The following KIRREL3 variants were observed in gnomAD, a reference collection of about 807,000 sequenced individuals.
KIRREL3 encodes kin of IRRE-like protein 3.
A neutral mutation model predicts 89.7 loss-of-function variants in KIRREL3; 36 were observed. That is an observed-to-expected ratio of 0.40 (90% CI 0.31 to 0.53). KIRREL3 has a LOEUF of 0.53. Ranked by LOEUF, KIRREL3 falls within the 20% of genes least tolerant of loss-of-function variation. KIRREL3 has a pLI of 0.49. For synonymous variants in KIRREL3, 445 were observed against 441.4 expected, an observed-to-expected ratio of 1.01 and a Z score of -0.10; for missense variants, 864 against 1,056.6, an observed-to-expected ratio of 0.82 and a Z score of 2.53.
chr11:126,431,628 G>A lies in KIRREL3; in HGVS notation c.1589-102C>T. 1 of 1,178,346 alleles carries A rather than the reference G, an allele frequency of 8.5e-7. No individual in the cohort carries two copies. The allele number at this position is 1,178,346 out of a possible 1,614,324, so 73.0% of individuals were successfully genotyped here. The stretch of plus-strand genomic sequence containing the variant: ...TGCGGGGGCAGCCCCTGCCACATGG[G>A]GCCCTCCTGGGAAATGCCTCAGTGG... On this transcript the variant is annotated intron_variant, in intron 13 of 16. Coordinates refer to ENST00000525144, the MANE Select transcript of KIRREL3 (RefSeq NM_032531.4). The surrounding 1 kb of genome is among the most constrained non-coding windows in gnomAD (Gnocchi z 7.1).
intron 1 of KIRREL3, among the ~76,000 whole-genome samples, chr11:126,699,226 T>C (rs1283281165): frequency 2.6e-5 from 4 of 152,202 alleles, no homozygotes; most frequent in Non-Finnish European, 4.4e-5. Flanking sequence ...CAGAGGCGAT[T>C]TTGACAGAGC....
chr11:126,532,095 T>A (rs185461112), intron 2 of KIRREL3, among the ~76,000 whole-genome samples: 1 of 152,224 alleles, frequency 6.6e-6, no homozygotes, highest in African/African-American at 2.4e-5. Flanking sequence ...TGATGCCACA[T>A]CTTTGGCTGT....
Position 126,870,320 on chromosome 11 carries a change from T to C in KIRREL3, c.55+130135A>G, listed in dbSNP as rs929607461. Among the ~76,000 whole-genome samples the C allele has an allele frequency of 2.6e-5, 4 of 152,178 alleles. No homozygotes were observed. Among genetic ancestry groups the C allele is most frequent in the Admixed American group, 6.5e-5 (1 of 15,288 alleles). The stretch of plus-strand genomic sequence containing the variant: ...AAGACAGCTGGGATTGTCATGGACA[T>C]CAATATGAAAGGCAGTGCAGGAGCC... On this transcript the variant is annotated intron_variant, in intron 1 of 16. Transcript: ENST00000525144. The surrounding 1 kb of genome is among the most constrained non-coding windows in gnomAD (Gnocchi z 4.4).
At position 126,677,810 on chromosome 11, in the gene KIRREL3, C is replaced by G. The variant is rs1337535131; in HGVS notation, c.56-114898G>C. On this transcript the variant is annotated intron_variant, in intron 1 of 16. Coordinates refer to ENST00000525144, the MANE Select transcript of KIRREL3 (RefSeq NM_032531.4). The surrounding 1 kb of genome is among the most constrained non-coding windows in gnomAD (Gnocchi z 5.1). ...TGGAGTGAGCCTCCCCCTTTTACTG[C>G]ATCTCCACGAGGCAGAGGAAGTGGC... is the stretch of plus-strand genomic sequence containing the variant. Among the ~76,000 whole-genome samples, 1 of 152,184 alleles carries G rather than the reference C, an allele frequency of 6.6e-6. No homozygotes were observed. The highest frequency in any genetic ancestry group is 1.9e-4 in the East Asian group (1 of 5,190).
At chr11:126,884,172 T>C (rs1046470087) in intron 1 of KIRREL3, among the ~76,000 whole-genome samples, 1 of 152,216 alleles carries the variant, frequency 6.6e-6, no homozygotes, top group Non-Finnish European at 1.5e-5. Context: ...CTTGCAGAGC[T>C]TGTTAAGAAG....
intron 1 of KIRREL3, among the ~76,000 whole-genome samples, chr11:126,665,444 G>A (rs561650772): frequency 1.3e-5 from 2 of 152,304 alleles, no homozygotes; most frequent in South Asian, 2.1e-4. Context: ...TTCATGTGTT[G>A]AAATCCTCAC....
In KIRREL3 at chr11:126,498,369, C is replaced by T. The variant is rs1957741586; in HGVS notation, c.433+22946G>A. On this transcript the variant is annotated intron_variant, in intron 4 of 16. Transcript: ENST00000525144. The surrounding 1 kb of genome is among the most constrained non-coding windows in gnomAD (Gnocchi z 4.3). ...CATTCCTCAGTAAACAGCAGCCTCTCTTTAATAAGCCAGGCTCTTCCCCCC... is the reference window on the plus strand; with the variant it reads ...CATTCCTCAGTAAACAGCAGCCTCTTTTTAATAAGCCAGGCTCTTCCCCCC... Among the ~76,000 whole-genome samples, 1 of 152,194 alleles carries T rather than the reference C, an allele frequency of 6.6e-6. No individual in the cohort carries two copies. The highest frequency in any genetic ancestry group is 2.4e-5 in the African/African-American group (1 of 41,440).
chr11:126,850,385 C>G (rs1428867733), intron 1 of KIRREL3, among the ~76,000 whole-genome samples: 1 of 152,178 alleles, frequency 6.6e-6, no homozygotes, highest in Non-Finnish European at 1.5e-5. Flanking sequence ...CACCTGCCCT[C>G]CCAGTGCTTG....
rs562632384 is a variant in KIRREL3, at chr11:126,561,655, A to G, written c.133+1180T>C. ...CCCCCAACTCTGGTTGTACTCAGCC[A>G]TGGGGTTCCTACAAATGGGAAGTAG... On this transcript the variant is annotated intron_variant, in intron 2 of 16. Transcript: ENST00000525144. The surrounding 1 kb of genome is among the most constrained non-coding windows in gnomAD (Gnocchi z 4.5). Among the ~76,000 whole-genome samples, 1 of 152,332 alleles carries G rather than the reference A, an allele frequency of 6.6e-6. No homozygotes were observed. Among genetic ancestry groups the G allele is most frequent in the Admixed American group, 6.5e-5 (1 of 15,312 alleles).
intron 1 of KIRREL3, among the ~76,000 whole-genome samples, chr11:126,756,274 A>G (rs1404863431): frequency 6.6e-6 from 1 of 152,246 alleles, no homozygotes; most frequent in African/African-American, 2.4e-5. Flanking sequence ...TGAGAATTGT[A>G]TGTGCTGAGA....
intron 5 of KIRREL3, among the ~76,000 whole-genome samples, chr11:126,472,245 C>A (rs1374296497): frequency 6.6e-6 from 1 of 152,182 alleles, no homozygotes; most frequent in African/African-American, 2.4e-5. Context: ...TCTGTCTTAG[C>A]CCAGCTGGGC....
rs1265122566 is a variant in KIRREL3, at chr11:126,877,699, G to A, written c.55+122756C>T. Among the ~76,000 whole-genome samples, 2 of 152,202 alleles carry A rather than the reference G, an allele frequency of 1.3e-5. No individual in the cohort carries two copies. The highest frequency in any genetic ancestry group is 4.8e-5 in the African/African-American group (2 of 41,452). On this transcript the variant is annotated intron_variant, in intron 1 of 16. Transcript: ENST00000525144. This position sits in a 1 kb window ranked among gnomAD's most constrained non-coding sequence, Gnocchi z 4.9. ...ATGTGCAAGTATAATTTTGAACAGG[G>A]AGAGAACTTAGTTGAATTGTAACTA...
rs1456100832 is a variant in KIRREL3, at chr11:126,432,319, G to T, written c.1589-793C>A. Among the ~76,000 whole-genome samples the T allele has an allele frequency of 6.6e-6, 1 of 152,204 alleles. No individual in the cohort carries two copies. The highest frequency in any genetic ancestry group is 1.5e-5 in the Non-Finnish European group (1 of 68,024). On this transcript the variant is annotated intron_variant, in intron 13 of 16. Coordinates refer to ENST00000525144, the MANE Select transcript of KIRREL3 (RefSeq NM_032531.4). The surrounding 1 kb of genome is among the most constrained non-coding windows in gnomAD (Gnocchi z 6.2). ...TGTCTCCTGCCCAAGCCGAGTGGGGGTAGGGACAGGGAGGGTAAGGATAGA... is the reference window on the plus strand; with the variant it reads ...TGTCTCCTGCCCAAGCCGAGTGGGGTTAGGGACAGGGAGGGTAAGGATAGA...
intron 1 of KIRREL3, among the ~76,000 whole-genome samples, chr11:126,842,957 T>TC (rs1369306376): frequency 6.6e-6 from 1 of 151,880 alleles, no homozygotes; most frequent in African/African-American, 2.4e-5. Flanking sequence ...AGATTTTTTT[T>TC]TTTCTTTCTG....
In KIRREL3 at chr11:126,752,876, G is replaced by C. The variant is rs895280948; in HGVS notation, c.56-189964C>G. Among the ~76,000 whole-genome samples, 3 of 152,172 alleles carry C rather than the reference G, an allele frequency of 2.0e-5. No homozygotes were observed. The East Asian group carries it at 5.8e-4, about 29-fold the overall frequency. Reference sequence around the variant, plus strand: ...TTGATGGAGAAAAGCCCTCTTCTTTGTATAAAACATGTGCCCTTTGTTGAA... The same window carrying C: ...TTGATGGAGAAAAGCCCTCTTCTTTCTATAAAACATGTGCCCTTTGTTGAA... On this transcript the variant is annotated intron_variant, in intron 1 of 16. Coordinates refer to ENST00000525144, the MANE Select transcript of KIRREL3 (RefSeq NM_032531.4). This position sits in a 1 kb window ranked among gnomAD's most constrained non-coding sequence, Gnocchi z 4.8.
In KIRREL3 at chr11:126,485,774, T is replaced by C. The variant is rs1389391728; in HGVS notation, c.434-12308A>G. ...CCAGCCCTGGACTCCTGAGATGGAATGGTCAGTACCTTGCCTCAAAGCACC... is the reference window on the plus strand; with the variant it reads ...CCAGCCCTGGACTCCTGAGATGGAACGGTCAGTACCTTGCCTCAAAGCACC... On this transcript the variant is annotated intron_variant, in intron 4 of 16. Coordinates refer to ENST00000525144, the MANE Select transcript of KIRREL3 (RefSeq NM_032531.4). The surrounding 1 kb of genome is among the most constrained non-coding windows in gnomAD (Gnocchi z 5.8). Among the ~76,000 whole-genome samples, 1 of 152,246 alleles carries C rather than the reference T, an allele frequency of 6.6e-6. No individual in the cohort carries two copies. Among genetic ancestry groups the C allele is most frequent in the East Asian group, 1.9e-4 (1 of 5,200 alleles).
intron 7 of KIRREL3, among the ~76,000 whole-genome samples, chr11:126,452,383 C>CGCA (rs1956209642): frequency 6.6e-6 from 1 of 152,228 alleles, no homozygotes; most frequent in African/African-American, 2.4e-5. Flanking sequence ...TGTCCAGCCC[C>CGCA]GCAGTTCCTT....
intron 1 of KIRREL3, among the ~76,000 whole-genome samples, chr11:126,887,980 G>A (rs1232768484): frequency 6.6e-6 from 1 of 152,154 alleles, no homozygotes; most frequent in Non-Finnish European, 1.5e-5. Context: ...GTGGTCTTGG[G>A]CAAATCTTGT....
In KIRREL3 at chr11:126,763,339, C is replaced by G. The variant is rs990867228; in HGVS notation, c.56-200427G>C. On this transcript the variant is annotated intron_variant, in intron 1 of 16. Coordinates refer to ENST00000525144, the MANE Select transcript of KIRREL3 (RefSeq NM_032531.4). This position sits in a 1 kb window ranked among gnomAD's most constrained non-coding sequence, Gnocchi z 4.7. ...CGATACATAAAACAAGAGTCCACAT[C>G]TGTGCCAAGGGCTGGGCAGGGCAGT... is the stretch of plus-strand genomic sequence containing the variant. 1.3e-5 allele frequency among the ~76,000 whole-genome samples: 2 copies of G among 152,216 alleles called. No individual in the cohort carries two copies. The highest frequency in any genetic ancestry group is 2.9e-5 in the Non-Finnish European group (2 of 68,046).
Sources: allele counts gnomAD v4.1 joint callset (sites outside exome capture counted in the v4.1 genomes callset), GRCh38; gene constraint gnomAD v4.1.1; non-coding constraint Gnocchi (gnomAD v3.1); transcripts MANE v1.5; gene names NCBI Gene and HGNC (gene_info 2026-07-23, HGNC 2026-07-21).